Variants in ATP9A observed in about 807,000 individuals in gnomAD.
ATP9A encodes probable phospholipid-transporting ATPase IIA.
Under a neutral mutation model 144.1 loss-of-function variants are expected in ATP9A, and 52 were observed. The observed-to-expected ratio is 0.36, with a 90% CI of 0.29 to 0.45. ATP9A has a LOEUF of 0.45. Among genes scored for constraint, ATP9A ranks in the 20% least tolerant of loss-of-function variants. The probability of loss-of-function intolerance (pLI) is 1.00; values close to 1 mark genes in which losing one functional copy is unlikely to be tolerated. For synonymous variants in ATP9A, 582 were observed against 557.4 expected, an observed-to-expected ratio of 1.04 and a Z score of -0.62; for missense variants, 947 against 1,392.7, an observed-to-expected ratio of 0.68 and a Z score of 5.09.
rs777769527 is a variant in ATP9A at position 51,694,101 on chromosome 20, C to T, written c.549G>A (p.Gly183=). The change falls in exon 7 of 28, where the codon GGG becomes GGA. Residue 183 remains glycine, a splice_region_variant and synonymous_variant. Coordinates refer to ENST00000338821, the MANE Select transcript of ATP9A (RefSeq NM_006045.3). ...MIFLRTSEKN[G]SCFLRTDQLD... Reference sequence around the variant, plus strand: ...GCTGATCCGTCCGCAAGAAGCATGACCCTGTGGAAGGAAGTCGGGTGCCGT... The same window carrying T: ...GCTGATCCGTCCGCAAGAAGCATGATCCTGTGGAAGGAAGTCGGGTGCCGT... 5.0e-6 allele frequency: 8 copies of T among 1,613,978 alleles called. No homozygotes were observed. Among genetic ancestry groups the T allele is most frequent in the South Asian group, 1.1e-5 (1 of 91,066 alleles).
chr20:51,733,175 A>G (rs892631965), intron 1 of ATP9A, among the ~76,000 whole-genome samples: 5 of 152,222 alleles, frequency 3.3e-5, no homozygotes, highest in Non-Finnish European at 5.9e-5. Context: ...TGCACAAAGT[A>G]CAGGTCACTC....
chr20:51,678,436 G>A (rs922356648), intron 9 of ATP9A, among the ~76,000 whole-genome samples: 21 of 152,180 alleles, frequency 1.4e-4, no homozygotes, highest in African/African-American at 4.8e-4. Flanking sequence ...AGAGCCCTAG[G>A]AGGAGGCGCT....
intron 19 of ATP9A, among the ~76,000 whole-genome samples, chr20:51,620,292 A>T (rs555921202): frequency 6.6e-6 from 1 of 152,330 alleles, no homozygotes; most frequent in Admixed American, 6.5e-5. Context: ...TGGCTAGCAC[A>T]TAGGTCATTA....
chr20:51,639,476 A>C lies in ATP9A; in HGVS notation c.1535T>G (p.Val512Gly), dbSNP rs1270298583. The C allele has an allele frequency of 1.2e-6, 2 of 1,612,752 alleles. No homozygotes were observed. The highest frequency in any genetic ancestry group is 2.7e-5 in the African/African-American group (2 of 74,850). Residue 512 changes from valine (V) to glycine (G), a missense_variant, in exon 15 of 28, where the codon GTG (valine) becomes GGG (glycine). By Grantham distance (109) the Val-to-Gly change is moderately radical. Coordinates refer to ENST00000338821, the MANE Select transcript of ATP9A (RefSeq NM_006045.3). Reference sequence around the variant, plus strand: ...GTCTCGGCCCACCAGGGTTAAGCCCACACTTTCCGTCCACTGTACCAGGGC... The same window carrying C: ...GTCTCGGCCCACCAGGGTTAAGCCCCCACTTTCCGTCCACTGTACCAGGGC... ...EVALVQWTES[V>G]GLTLVGRDQS...
At chr20:51,744,857 TG>T (rs1485373002) in intron 1 of ATP9A, among the ~76,000 whole-genome samples, 1 of 152,164 alleles carries the variant, frequency 6.6e-6, no homozygotes, top group African/African-American at 2.4e-5. Context: ...TAGCCAGATA[TG>T]GTGGCTCATG....
intron 11 of ATP9A, 146 bp downstream of exon 11, chr20:51,674,007 G>A (rs750154263): frequency 1.1e-4 from 101 of 961,068 alleles, no homozygotes; most frequent in African/African-American, 9.3e-4. Context: ...CCAAGATCGC[G>A]CCACTGCCCT....
At chr20:51,674,452 A>G (rs2122792444) in intron 10 of ATP9A, 139 bp from the exon 11 acceptor site, 1 of 762,476 alleles carries the variant, frequency 1.3e-6, no homozygotes. Flanking sequence ...CTTCCCCTAC[A>G]AACACCTCTA....
intron 13 of ATP9A, among the ~76,000 whole-genome samples, chr20:51,663,057 C>T (rs6067883): frequency 0.49 from 74,379 of 151,464 alleles, 18,919 homozygotes; most frequent in East Asian, 0.79. Context: ...GCAACAAGAT[C>T]GAAAACTCCA....
chr20:51,721,928 G>A (rs1410044103), intron 3 of ATP9A, among the ~76,000 whole-genome samples: 1 of 152,106 alleles, frequency 6.6e-6, no homozygotes, highest in African/African-American at 2.4e-5. Context: ...CACACTACCT[G>A]ATTTCAAGCT....
chr20:51,663,969 AC>A (rs1377078144), intron 13 of ATP9A, among the ~76,000 whole-genome samples: 2 of 152,178 alleles, frequency 1.3e-5, no homozygotes, highest in Non-Finnish European at 2.9e-5. Context: ...CATAAAAAAA[AC>A]AACTCAGTAA....
At chr20:51,746,107 A>G (rs1309401423) in intron 1 of ATP9A, among the ~76,000 whole-genome samples, 1 of 152,218 alleles carries the variant, frequency 6.6e-6, no homozygotes, top group Non-Finnish European at 1.5e-5. Context: ...GTTCTCACTT[A>G]TAAGTAGGAG....
intron 15 of ATP9A, among the ~76,000 whole-genome samples, chr20:51,637,213 T>C (rs765174924): frequency 6.2e-5 from 9 of 145,792 alleles, no homozygotes; most frequent in Admixed American, 2.2e-4. Context: ...ACACGGTAAA[T>C]GATCAAGGAG....
Position 51,666,509 on chromosome 20 carries a change from C to T in ATP9A, c.1293+3488G>A, listed in dbSNP as rs905895434. Among the ~76,000 whole-genome samples, 14 of 151,842 alleles carry T rather than the reference C, an allele frequency of 9.2e-5. No individual in the cohort carries two copies. The East Asian group carries it at 9.7e-4, about 10-fold the overall frequency. ...CAGCCAGGCCAACATGGTGAAACCC[C>T]GTCTCTACTAAAAATATAAAAATTA... On this transcript the variant is annotated intron_variant, in intron 13 of 27. Coordinates refer to ENST00000338821, the MANE Select transcript of ATP9A (RefSeq NM_006045.3).
intron 15 of ATP9A, among the ~76,000 whole-genome samples, chr20:51,630,067 G>C (rs572019254): frequency 3.9e-5 from 6 of 152,360 alleles, no homozygotes; most frequent in Admixed American, 2.0e-4. Context: ...TCACAACGCA[G>C]GCAATGTCCT....
At chr20:51,649,639 G>A (rs1194211819) in intron 14 of ATP9A, among the ~76,000 whole-genome samples, 1 of 152,210 alleles carries the variant, frequency 6.6e-6, no homozygotes, top group Non-Finnish European at 1.5e-5. Context: ...GCTAGGCCGG[G>A]TGCAGTAGTT....
intron 1 of ATP9A, among the ~76,000 whole-genome samples, chr20:51,757,901 C>CAA (rs540809303): frequency 8.0e-6 from 1 of 124,670 alleles, no homozygotes. Context: ...GAGTACGTCT[C>CAA]AAAAAAAAAA....
rs1178464336 is a variant in ATP9A, at chr20:51,618,734, A to T, written c.2278T>A (p.Cys760Ser). The change falls in exon 21 of 28, where the codon TGT becomes AGT. Residue 760 changes from cysteine to serine, a missense_variant. Physicochemically the swap from Cys to Ser is moderately radical, Grantham distance 112. Coordinates refer to ENST00000338821, the MANE Select transcript of ATP9A (RefSeq NM_006045.3). Reference sequence around the variant, plus strand: ...ATCTGGGCCTTCTGGGTGGGGGCACATCGGCAGCAGACTACGGCCGGGCAC... The same window carrying T: ...ATCTGGGCCTTCTGGGTGGGGGCACTTCGGCAGCAGACTACGGCCGGGCAC... ...CQCPAVVCCR[C>S]APTQKAQIVR... 6.2e-7 allele frequency: 1 copy of T among 1,612,590 alleles called. No individual in the cohort carries two copies. The highest frequency in any genetic ancestry group is 1.1e-5 in the South Asian group (1 of 90,904).
Position 51,745,456 on chromosome 20 carries a change from C to T in ATP9A, c.69-15478G>A, listed in dbSNP as rs114820658. Reference sequence around the variant, plus strand: ...AAAAAAAAGGAAAAAAATTAAAAGCCGTTATGAATTAGTCAACAGCAGTGG... The same window carrying T: ...AAAAAAAAGGAAAAAAATTAAAAGCTGTTATGAATTAGTCAACAGCAGTGG... On this transcript the variant is annotated intron_variant, in intron 1 of 27. Coordinates refer to ENST00000338821, the MANE Select transcript of ATP9A (RefSeq NM_006045.3). 9.3e-3 allele frequency among the ~76,000 whole-genome samples: 1,415 copies of T among 151,708 alleles called. 19 individuals are homozygous for T. The highest frequency in any genetic ancestry group is 0.032 in the African/African-American group (1,330 of 41,312).
chr20:51,645,004 C>T (rs529798640), intron 14 of ATP9A, among the ~76,000 whole-genome samples: 2 of 152,324 alleles, frequency 1.3e-5, no homozygotes, highest in East Asian at 3.9e-4. Context: ...CCAGCATGCC[C>T]AGCTACAGAC....
Sources: gnomAD v4.1 joint callset for allele counts (sites outside exome capture counted in the v4.1 genomes callset) on GRCh38, gnomAD v4.1.1 for gene constraint, MANE v1.5 for transcripts, NCBI Gene and HGNC (gene_info 2026-07-23, HGNC 2026-07-21) for gene names.